Variants in SYNRG observed in about 807,000 individuals in gnomAD.
SYNRG encodes synergin gamma.
A neutral mutation model predicts 130.9 loss-of-function variants in SYNRG; 37 were observed. That is an observed-to-expected ratio of 0.28 (90% CI 0.22 to 0.37). SYNRG has a LOEUF of 0.37. SYNRG is among the 10% of genes least tolerant of loss of function. The pLI is 1.00. For synonymous variants in SYNRG, 539 were observed against 568.1 expected (o/e 0.95, Z 0.73); for missense variants, 1,338 against 1,588.9 (o/e 0.84, Z 2.68).
intron 14 of SYNRG, among the ~76,000 whole-genome samples, chr17:37,549,308 T>A (rs183252056): frequency 1.3e-3 from 192 of 152,168 alleles, no homozygotes; most frequent in Non-Finnish European, 2.3e-3. Flanking sequence ...TGAAAAACAG[T>A]AATATTCTCA....
chr17:37,546,377 T>G (rs935196505), intron 14 of SYNRG, among the ~76,000 whole-genome samples: 1 of 152,210 alleles, frequency 6.6e-6, no homozygotes, highest in African/African-American at 2.4e-5. Context: ...GCTGACTGCA[T>G]TTGCACACAG....
chr17:37,570,095 AT>A (rs1173841251), intron 10 of SYNRG, among the ~76,000 whole-genome samples: 1 of 148,642 alleles, frequency 6.7e-6, no homozygotes, highest in Non-Finnish European at 1.5e-5. Flanking sequence ...CTTGGGATAG[AT>A]TTCTAATAAT....
intron 1 of SYNRG, among the ~76,000 whole-genome samples, chr17:37,605,173 T>C (rs2063640942): frequency 6.6e-6 from 1 of 152,234 alleles, no homozygotes; most frequent in Non-Finnish European, 1.5e-5. Context: ...CTGTATCTGC[T>C]AACTGCAATG....
intron 11 of SYNRG, among the ~76,000 whole-genome samples, chr17:37,564,674 C>T (rs1480024449): frequency 1.3e-5 from 2 of 152,182 alleles, no homozygotes; most frequent in Non-Finnish European, 2.9e-5. Context: ...AATGGTCTTT[C>T]CTAGGCTTAG....
At position 37,515,864 on chromosome 17, in the gene SYNRG, A is replaced by T. The variant is rs2054388653; in HGVS notation, c.*3076T>A. 6.6e-6 allele frequency: 1 copy of T among 152,234 alleles called. No individual in the cohort carries two copies. Among genetic ancestry groups the T allele is most frequent in the Non-Finnish European group, 1.5e-5 (1 of 68,056 alleles). 9.4% of individuals were successfully genotyped at this position (152,234 alleles called of 1,614,324 possible). ...AAGCTGAAGTACACTTGAAATAGGCAAACAGAAGACACCTTTAAACAAATA... is the reference window on the plus strand; with the variant it reads ...AAGCTGAAGTACACTTGAAATAGGCTAACAGAAGACACCTTTAAACAAATA... On this transcript the variant is annotated 3_prime_UTR_variant, in exon 22 of 22. Coordinates refer to ENST00000612223, the MANE Select transcript of SYNRG (RefSeq NM_007247.6).
At chr17:37,600,619 G>A in intron 1 of SYNRG, 1 of 678,908 alleles carries the variant, frequency 1.5e-6, no homozygotes, top group Non-Finnish European at 2.7e-6. Context: ...AAAGACAGAA[G>A]ACCCTGAAAT....
intron 15 of SYNRG, 22 bp from the exon 16 acceptor site, chr17:37,540,565 G>A: frequency 1.2e-6 from 2 of 1,603,736 alleles, no homozygotes; most frequent in East Asian, 4.5e-5. Context: ...GGATAATACA[G>A]TCAAAGGTTT....
At chr17:37,588,089 T>C (rs531113235) in intron 3 of SYNRG, among the ~76,000 whole-genome samples, 3 of 152,252 alleles carry the variant, frequency 2.0e-5, no homozygotes, top group East Asian at 1.9e-4. Context: ...TAGGGTTCCA[T>C]ATTAAATGCC....
intron 14 of SYNRG, among the ~76,000 whole-genome samples, chr17:37,552,513 C>T (rs1026465456): frequency 1.3e-5 from 2 of 152,154 alleles, no homozygotes; most frequent in Non-Finnish European, 2.9e-5. Flanking sequence ...CTGAAAACAG[C>T]TCCTGGATTC....
At chr17:37,529,551 A>G (rs1034339411) in intron 19 of SYNRG, among the ~76,000 whole-genome samples, 7 of 150,610 alleles carry the variant, frequency 4.6e-5, no homozygotes, top group Middle Eastern at 3.4e-3. Context: ...AAAAAAAAAA[A>G]AAAAGAAAAG....
At chr17:37,555,181 C>T (rs2059019731) in intron 13 of SYNRG, among the ~76,000 whole-genome samples, 1 of 151,950 alleles carries the variant, frequency 6.6e-6, no homozygotes, top group African/African-American at 2.4e-5. Flanking sequence ...GGCTGGAGTA[C>T]AATGGTGTGA....
Position 37,605,895 on chromosome 17 carries a change from G to T in SYNRG, c.77+3384C>A, listed in dbSNP as rs1438828847. The T allele has an allele frequency of 3.0e-6, 3 of 985,166 alleles. No individual in the cohort carries two copies. In the African/African-American group the frequency reaches 5.2e-5, roughly 17 times the overall value. The allele number at this position is 985,166 out of a possible 1,614,324, so 61.0% of individuals were successfully genotyped here. A position where few individuals can be genotyped will look rare whatever the true frequency, so the allele number is the denominator to read the frequency against. On this transcript the variant is annotated intron_variant, in intron 1 of 21. Coordinates refer to ENST00000612223, the MANE Select transcript of SYNRG (RefSeq NM_007247.6). Reference sequence around the variant, plus strand: ...TTTGACACTAGGCTTCACTTCTTAGGCCTAAACTCCTACATAAAGACTTCC... The same window carrying T: ...TTTGACACTAGGCTTCACTTCTTAGTCCTAAACTCCTACATAAAGACTTCC...
At position 37,568,896 on chromosome 17, in the gene SYNRG, T is replaced by C. The variant is rs1163903159; in HGVS notation, c.1376A>G (p.Gln459Arg). Residue 459 changes from glutamine to arginine, a missense_variant, in exon 11 of 22, where the codon CAG becomes CGG. Transcript: ENST00000612223. The stretch of plus-strand genomic sequence containing the variant: ...TGACTTAGAAGCATCTTGAAAATCC[T>C]GGAAGTCATCTTCTTCTGGCTTTAC... ...QVVKPEEDDF[Q>R]DFQDASKSGS... is the part of the protein sequence containing the mutation. The C allele has an allele frequency of 6.2e-7, 1 of 1,614,070 alleles. No individual in the cohort carries two copies. Among genetic ancestry groups the C allele is most frequent in the Non-Finnish European group, 8.5e-7 (1 of 1,179,956 alleles).
rs537911811 is a variant in SYNRG at position 37,573,717 on chromosome 17, TA to T, written c.902-1731del. ...AGAAAATGCATTTGAATGAAAACTA[TA>T]AAACATTAATGCAATAAATTGAAGG... is the stretch of plus-strand genomic sequence containing the variant. On this transcript the variant is annotated intron_variant, in intron 8 of 21. Coordinates refer to ENST00000612223, the MANE Select transcript of SYNRG (RefSeq NM_007247.6). Among the ~76,000 whole-genome samples, 482 of 152,200 alleles carry T rather than the reference TA, an allele frequency of 3.2e-3. 2 individuals carry two copies. Among genetic ancestry groups the T allele is most frequent in the Non-Finnish European group, 5.2e-3 (352 of 67,996 alleles).
Position 37,520,618 on chromosome 17 carries a change from A to G in SYNRG, c.3697T>C (p.Cys1233Arg), listed in dbSNP as rs779238573. The G allele has an allele frequency of 6.2e-7, 1 of 1,614,228 alleles. No individual in the cohort carries two copies. The highest frequency in any genetic ancestry group is 8.5e-7 in the Non-Finnish European group (1 of 1,180,048). The change falls in exon 20 of 22, where the codon TGT becomes CGT. Residue 1233 changes from cysteine to arginine, a missense_variant. Physicochemically the swap from Cys to Arg is radical, Grantham distance 180 (BLOSUM62 -3). Transcript: ENST00000612223. ...PDENSLDFSS[C>R]MLRPGIKNAQ... ...TTTTTAATCCCAGGCCGTAACATAC[A>G]GGAGGAAAAATCCAGCGAGTTTTCA...
intron 2 of SYNRG, among the ~76,000 whole-genome samples, chr17:37,596,571 C>T (rs114297913): frequency 0.012 from 1,795 of 152,208 alleles, 29 homozygotes; most frequent in African/African-American, 0.04. Flanking sequence ...GATAATATCT[C>T]TTCTATGGAA....
intron 15 of SYNRG, chr17:37,541,307 G>T: frequency 1.0e-6 from 1 of 962,700 alleles, no homozygotes; most frequent in Non-Finnish European, 1.2e-6. Context: ...TGCCTTCAGA[G>T]ACCAGGCAAG....
intron 8 of SYNRG, among the ~76,000 whole-genome samples, chr17:37,575,285 A>T (rs535406328): frequency 6.6e-6 from 1 of 152,230 alleles, no homozygotes; most frequent in African/African-American, 2.4e-5. Flanking sequence ...TGTACACTTA[A>T]AATAACTTAC....
In SYNRG at chr17:37,609,397, T is replaced by C. The variant is rs751215576; in HGVS notation, c.-42A>G. On this transcript the variant is annotated 5_prime_UTR_variant, in exon 1 of 22. Transcript: ENST00000612223. ...CGCTGCCTTCGCCGCCGCCACCTTA[T>C]CAGCAGCTGTCAGCTGAACACAGCC... 3.6e-6 allele frequency: 5 copies of C among 1,381,568 alleles called. No individual in the cohort carries two copies. The highest frequency in any genetic ancestry group is 1.6e-5 in the South Asian group (1 of 62,318). 85.6% of individuals were successfully genotyped at this position (1,381,568 alleles called of 1,614,324 possible).
Sources: gnomAD v4.1 joint callset for allele counts (sites outside exome capture counted in the v4.1 genomes callset) on GRCh38, gnomAD v4.1.1 for gene constraint, MANE v1.5 for transcripts, NCBI Gene and HGNC (gene_info 2026-07-23, HGNC 2026-07-21) for gene names.